Variants in B3GALT1 observed in about 807,000 individuals in gnomAD.
B3GALT1 encodes the protein UDP-Gal:betaGlcNAc beta 1,3-galactosyltransferase, polypeptide 1.
In B3GALT1, 10 loss-of-function variants were observed where a neutral mutation model predicts 23.2. The observed-to-expected ratio is 0.43, with a 90% confidence interval of 0.27 to 0.73. The LOEUF is 0.73. Among genes scored for constraint, B3GALT1 ranks in the 30% least tolerant of loss-of-function variants. The pLI, the probability that B3GALT1 is intolerant of heterozygous loss-of-function variation, is 0.21. For missense variants in B3GALT1, 299 were observed against 405.4 expected (o/e 0.74, Z 2.25); for synonymous variants, 156 against 141.5 (o/e 1.10, Z -0.73).
In B3GALT1 at chr2:167,828,254, C is replaced by T. The variant is rs1689270079; in HGVS notation, c.-230+9461C>T. Among the ~76,000 whole-genome samples the T allele has an allele frequency of 5.3e-5, 8 of 152,196 alleles. 1 individual carries two copies. The highest frequency in any genetic ancestry group is 5.2e-4 in the Admixed American group (8 of 15,288). On this transcript the variant is annotated intron_variant, in intron 4 of 4. Transcript: ENST00000392690. ...TAATGTGAAACAGTCAACAAATCCC[C>T]TGTCACCAATTGAGTCTACCTGCCG...
chr2:167,440,972 G>C (rs1443127481), intron 1 of B3GALT1, among the ~76,000 whole-genome samples: 7 of 151,970 alleles, frequency 4.6e-5, no homozygotes, highest in Non-Finnish European at 1.0e-4. Context: ...AATTCTAATG[G>C]AATATGGTTA....
At chr2:167,689,510 A>G (rs1402748170) in intron 3 of B3GALT1, among the ~76,000 whole-genome samples, 1 of 152,170 alleles carries the variant, frequency 6.6e-6, no homozygotes, top group East Asian at 1.9e-4. Context: ...ACTAAATACA[A>G]TAGACTTTTC....
intron 1 of B3GALT1, among the ~76,000 whole-genome samples, chr2:167,462,255 G>T (rs906985113): frequency 1.3e-5 from 2 of 151,980 alleles, no homozygotes; most frequent in Non-Finnish European, 2.9e-5. Context: ...GCCATCTTTA[G>T]CAGCTGTCTT....
At chr2:167,352,675 C>CA (rs1697334743) in intron 1 of B3GALT1, among the ~76,000 whole-genome samples, 1 of 151,532 alleles carries the variant, frequency 6.6e-6, no homozygotes, top group Non-Finnish European at 1.5e-5. Context: ...GAGCCAAGAT[C>CA]ACGCCACTGC....
At chr2:167,453,822 T>C (rs1291243954) in intron 1 of B3GALT1, among the ~76,000 whole-genome samples, 1 of 152,244 alleles carries the variant, frequency 6.6e-6, no homozygotes, top group African/African-American at 2.4e-5. Context: ...TCAGGATTTC[T>C]TTGTGAAGTT....
chr2:167,807,048 T>A (rs1688770722), intron 3 of B3GALT1, among the ~76,000 whole-genome samples: 1 of 152,120 alleles, frequency 6.6e-6, no homozygotes, highest in African/African-American at 2.4e-5. Context: ...CTTGGGAGGG[T>A]GTATGTGTCG....
intron 3 of B3GALT1, among the ~76,000 whole-genome samples, chr2:167,775,681 T>TACACACAC (rs147735818): frequency 3.3e-5 from 5 of 150,264 alleles, no homozygotes; most frequent in South Asian, 2.1e-4. Context: ...TTTGAAAGTA[T>TACACACAC]ACACACACAC....
intron 3 of B3GALT1, among the ~76,000 whole-genome samples, chr2:167,760,334 C>G (rs1266045974): frequency 5.3e-5 from 8 of 152,052 alleles, no homozygotes; most frequent in Non-Finnish European, 8.8e-5. Context: ...ATTAACTTGA[C>G]CAGAATTATG....
At chr2:167,606,017 T>C (rs1340544226) in intron 2 of B3GALT1, among the ~76,000 whole-genome samples, 1 of 152,142 alleles carries the variant, frequency 6.6e-6, no homozygotes, top group African/African-American at 2.4e-5. Flanking sequence ...GTTGGTTATA[T>C]CCTCCCTGCC....
At chr2:167,648,537 A>G (rs1331413845) in intron 3 of B3GALT1, among the ~76,000 whole-genome samples, 2 of 152,030 alleles carry the variant, frequency 1.3e-5, no homozygotes, top group African/African-American at 2.4e-5. Flanking sequence ...ATTCTTACCC[A>G]TCTTTGCCCC....
intron 1 of B3GALT1, among the ~76,000 whole-genome samples, chr2:167,309,856 T>C (rs1415960392): frequency 6.6e-6 from 1 of 152,078 alleles, no homozygotes; most frequent in Non-Finnish European, 1.5e-5. Flanking sequence ...AAATGTTGGT[T>C]TTCAGTAAAT....
At chr2:167,534,982 A>G (rs1413165852) in intron 2 of B3GALT1, among the ~76,000 whole-genome samples, 1 of 152,202 alleles carries the variant, frequency 6.6e-6, no homozygotes, top group African/African-American at 2.4e-5. Flanking sequence ...TTGGAGGAGT[A>G]TAGCCACTAA....
chr2:167,825,465 T>C (rs940870265), intron 4 of B3GALT1, among the ~76,000 whole-genome samples: 35 of 139,856 alleles, frequency 2.5e-4, no homozygotes, highest in East Asian at 1.4e-3. Context: ...TGCGTGCACG[T>C]GTGTGTGTGT....
chr2:167,587,071 CCTCT>C (rs1231168754), intron 2 of B3GALT1, among the ~76,000 whole-genome samples: 5 of 152,168 alleles, frequency 3.3e-5, no homozygotes, highest in Non-Finnish European at 7.4e-5. Context: ...TTTAACCCCT[CCTCT>C]CTAAGAAGTC....
chr2:167,456,011 A>G (rs562217117), intron 1 of B3GALT1, among the ~76,000 whole-genome samples: 5 of 152,312 alleles, frequency 3.3e-5, no homozygotes, highest in African/African-American at 1.2e-4. Flanking sequence ...AGTTGGATAT[A>G]AGAGAAATGA....
chr2:167,456,030 C>T (rs1488376450), intron 1 of B3GALT1, among the ~76,000 whole-genome samples: 1 of 152,100 alleles, frequency 6.6e-6, no homozygotes, highest in Non-Finnish European at 1.5e-5. Flanking sequence ...GAATATGACC[C>T]TGTATTAGTC....
At chr2:167,652,988 AAG>A (rs936930499) in intron 3 of B3GALT1, among the ~76,000 whole-genome samples, 2 of 152,132 alleles carry the variant, frequency 1.3e-5, no homozygotes, top group African/African-American at 4.8e-5. Flanking sequence ...TGTGTAGAAA[AAG>A]AAAAACCACC....
intron 3 of B3GALT1, among the ~76,000 whole-genome samples, chr2:167,678,286 T>C (rs1686464108): frequency 6.6e-6 from 1 of 152,180 alleles, no homozygotes; most frequent in South Asian, 2.1e-4. Context: ...TCGATCCACT[T>C]TCCGTTTTAA....
chr2:167,560,762 T>C (rs1460162841), intron 2 of B3GALT1, among the ~76,000 whole-genome samples: 4 of 152,130 alleles, frequency 2.6e-5, no homozygotes, highest in African/African-American at 7.2e-5. Context: ...CTAACTGTCC[T>C]AAATATATAT....
Sources: gnomAD v4.1 joint callset for allele counts (sites outside exome capture counted in the v4.1 genomes callset) on GRCh38, gnomAD v4.1.1 for gene constraint, MANE v1.5 for transcripts, NCBI Gene and HGNC (gene_info 2026-07-23, HGNC 2026-07-21) for gene names.